PHLDB2: variants seen among roughly 807,000 people sequenced by gnomAD.
PHLDB2 encodes pleckstrin homology-like domain family B member 2.
Under a neutral mutation model 123.6 loss-of-function variants are expected in PHLDB2, and 71 were observed. That is an observed-to-expected ratio of 0.57 (90% CI 0.47 to 0.70). The LOEUF (loss-of-function observed/expected upper bound fraction) is 0.70, where lower values mean the gene tolerates loss of function less well. Among genes scored for constraint, PHLDB2 ranks in the 30% least tolerant of loss-of-function variants. The pLI is 0.00. For synonymous variants in PHLDB2, 547 were observed against 541.6 expected, an observed-to-expected ratio of 1.01 and a Z score of -0.14; for missense variants, 1,446 against 1,519.5, an observed-to-expected ratio of 0.95 and a Z score of 0.80.
intron 1 of PHLDB2, among the ~76,000 whole-genome samples, chr3:111,771,051 G>A (rs1040374935): frequency 3.3e-5 from 5 of 152,202 alleles, no homozygotes; most frequent in African/African-American, 1.2e-4. Flanking sequence ...TTTCTTTAAT[G>A]TTAGTTCTCA....
At chr3:111,883,121 A>G (rs1481633900) in intron 1 of PHLDB2, among the ~76,000 whole-genome samples, 1 of 152,210 alleles carries the variant, frequency 6.6e-6, no homozygotes, top group East Asian at 1.9e-4. Flanking sequence ...ATAATCTAAG[A>G]AAATTTTTTT....
At chr3:111,934,897 A>G (rs1217804961) in intron 6 of PHLDB2, among the ~76,000 whole-genome samples, 1 of 152,172 alleles carries the variant, frequency 6.6e-6, no homozygotes, top group African/African-American at 2.4e-5. Flanking sequence ...CTAATGGATA[A>G]AATGATTTTA....
Position 111,953,917 on chromosome 3 carries a change from C to T in PHLDB2, c.2773-13C>T, listed in dbSNP as rs928664835. ...TGCAGCTTGCCTGAAGTACTCCCTC[C>T]TGCTTCCCGCAGGCCCATCTGCCCC... On this transcript the variant is annotated splice_polypyrimidine_tract_variant and intron_variant, in intron 11 of 17. Transcript: ENST00000431670. 2.5e-6 allele frequency: 4 copies of T among 1,610,644 alleles called. No individual in the cohort carries two copies. The highest frequency in any genetic ancestry group is 3.4e-6 in the Non-Finnish European group (4 of 1,177,626).
chr3:111,786,123 C>G, intron 1 of PHLDB2, among the ~76,000 whole-genome samples: 1 of 152,094 alleles, frequency 6.6e-6, no homozygotes, highest in East Asian at 1.9e-4. Context: ...CACAGATGCT[C>G]AAGTCTCTGA....
chr3:111,735,017 A>T (rs779291169), intron 1 of PHLDB2, among the ~76,000 whole-genome samples: 3 of 152,166 alleles, frequency 2.0e-5, no homozygotes, highest in Non-Finnish European at 2.9e-5. Flanking sequence ...ATATTTTCTA[A>T]ATAACCCAGA....
chr3:111,784,760 A>T (rs2060615666), intron 1 of PHLDB2, among the ~76,000 whole-genome samples: 1 of 152,168 alleles, frequency 6.6e-6, no homozygotes, highest in East Asian at 1.9e-4. Context: ...ATATTGTAAC[A>T]TACTTGTTTA....
chr3:111,773,606 A>G (rs1184415349), intron 1 of PHLDB2, among the ~76,000 whole-genome samples: 1 of 152,232 alleles, frequency 6.6e-6, no homozygotes, highest in Non-Finnish European at 1.5e-5. Flanking sequence ...CTCCTGAGAC[A>G]GAGACAACGA....
intron 11 of PHLDB2, 122 bp from the exon 12 acceptor site, chr3:111,953,808 A>C: frequency 1.4e-6 from 1 of 709,370 alleles, no homozygotes; most frequent in Non-Finnish European, 2.3e-6. Context: ...AATGAAATGC[A>C]AAGACTTACC....
intron 1 of PHLDB2, among the ~76,000 whole-genome samples, chr3:111,828,192 C>T (rs2062758663): frequency 6.6e-6 from 1 of 152,212 alleles, no homozygotes; most frequent in Admixed American, 6.5e-5. Flanking sequence ...CCCTTCTCTT[C>T]TGGGGCAGAG....
At chr3:111,970,293 C>T (rs1186908190) in intron 16 of PHLDB2, among the ~76,000 whole-genome samples, 1 of 151,792 alleles carries the variant, frequency 6.6e-6, no homozygotes, top group Admixed American at 6.6e-5. Context: ...TTTTATGAAA[C>T]ATCACAATAT....
intron 2 of PHLDB2, among the ~76,000 whole-genome samples, chr3:111,895,846 C>CA (rs72208590): frequency 3.3e-4 from 43 of 131,630 alleles, no homozygotes; most frequent in East Asian, 9.2e-4. Context: ...GAAACTCAGT[C>CA]AAAAAAAAAA....
intron 6 of PHLDB2, among the ~76,000 whole-genome samples, chr3:111,934,696 A>T (rs151106969): frequency 6.6e-6 from 1 of 152,312 alleles, no homozygotes; most frequent in African/African-American, 2.4e-5. Context: ...GGCCTTACCA[A>T]TCTGGTAGTT....
chr3:111,906,382 G>T (rs1463931029), intron 2 of PHLDB2, among the ~76,000 whole-genome samples: 1 of 152,146 alleles, frequency 6.6e-6, no homozygotes, highest in African/African-American at 2.4e-5. Context: ...GAGACACAAA[G>T]AAGCTAAATA....
Position 111,885,203 on chromosome 3 carries a change from GT to G in PHLDB2, c.1131del (p.Phe377LeufsTer49). On this transcript the variant is annotated frameshift_variant, in exon 2 of 18. Coordinates refer to ENST00000431670, the MANE Select transcript of PHLDB2 (RefSeq NM_001134438.2). LOFTEE classifies it high-confidence loss of function. ...ACTTCTTGCTGGAGAGTCAGACAGA[GT>G]TTTTGCGACCAGGAGGAACTTCTCT... ...HSLLAGESDRVFATRRNFSCG... is the reference protein window; with the variant it reads ...HSLLAGESDRXFATRRNFSCG... 1 of 1,614,152 alleles carries G rather than the reference GT, an allele frequency of 6.2e-7. No homozygotes were observed. Among genetic ancestry groups the G allele is most frequent in the Non-Finnish European group, 8.5e-7 (1 of 1,180,022 alleles).
At chr3:111,762,571 C>A (rs2060013340) in intron 1 of PHLDB2, among the ~76,000 whole-genome samples, 1 of 152,108 alleles carries the variant, frequency 6.6e-6, no homozygotes. Context: ...CTGATCCAGA[C>A]CTTCCACCCA....
At chr3:111,893,557 C>G (rs2066624469) in intron 2 of PHLDB2, among the ~76,000 whole-genome samples, 1 of 152,014 alleles carries the variant, frequency 6.6e-6, no homozygotes, top group Admixed American at 6.6e-5. Flanking sequence ...TTGATTTAAT[C>G]TTCAGATTCA....
At chr3:111,749,389 T>G (rs1016321738) in intron 1 of PHLDB2, among the ~76,000 whole-genome samples, 1 of 152,172 alleles carries the variant, frequency 6.6e-6, no homozygotes, top group African/African-American at 2.4e-5. Flanking sequence ...TAAGTATAAA[T>G]AAAGAAATAT....
intron 12 of PHLDB2, chr3:111,957,261 C>A (rs967098075): frequency 6.6e-6 from 1 of 152,632 alleles, no homozygotes; most frequent in Non-Finnish European, 1.5e-5. Context: ...GTATGACAAC[C>A]TCCTTGTGTG....
rs1009077845 is a variant in PHLDB2, at chr3:111,859,803, G to A, written c.-15+227G>A. On this transcript the variant is annotated intron_variant, in intron 1 of 17. Transcript: ENST00000431670. ...CCGGCGGGCTCACGGAGGGAGACAG[G>A]GTGGGCGGGGGCAAAGGCTAGGCGC... The A allele has an allele frequency of 4.1e-6, 4 of 985,468 alleles. No individual in the cohort carries two copies. The African/African-American group carries it at 7.0e-5, about 17-fold the overall frequency. 61.0% of individuals were successfully genotyped at this position (985,468 alleles called of 1,614,324 possible).
Sources: allele counts gnomAD v4.1 joint callset (sites outside exome capture counted in the v4.1 genomes callset), GRCh38; gene constraint gnomAD v4.1.1; transcripts MANE v1.5; gene names NCBI Gene and HGNC (gene_info 2026-07-23, HGNC 2026-07-21).